Variants in USP32 observed in about 807,000 individuals in gnomAD.
USP32 encodes the protein ubiquitin carboxyl-terminal hydrolase 32.
USP32 carries 59 observed loss-of-function variants against 204.8 expected under a neutral mutation model. That is an observed-to-expected ratio of 0.29 (90% CI 0.23 to 0.36). The LOEUF (loss-of-function observed/expected upper bound fraction) is 0.36. USP32 is among the 10% of genes least tolerant of loss of function. The probability of loss-of-function intolerance (pLI) is 1.00; values close to 1 mark genes in which losing one functional copy is unlikely to be tolerated. For synonymous variants in USP32, 517 were observed against 678.4 expected (o/e 0.76, Z 3.70); for missense variants, 1,160 against 1,946.4 (o/e 0.60, Z 7.60).
At chr17:60,238,161 T>A (rs887375732) in intron 11 of USP32, among the ~76,000 whole-genome samples, 2 of 152,216 alleles carry the variant, frequency 1.3e-5, no homozygotes, top group African/African-American at 4.8e-5. Flanking sequence ...ACGTTGAGCA[T>A]CTTTTCATGT....
At chr17:60,360,167 C>G (rs1252748559) in intron 1 of USP32, among the ~76,000 whole-genome samples, 2 of 151,868 alleles carry the variant, frequency 1.3e-5, no homozygotes, top group African/African-American at 4.8e-5. Context: ...CGCGCCCGGC[C>G]CTGTAAGACA....
rs34842511 is a variant in USP32, at chr17:60,244,029, G to GTTTTTTTTTTTTTTTTTT, written c.1137-7807_1137-7790dup. On this transcript the variant is annotated intron_variant, in intron 11 of 33. Transcript: ENST00000300896. ...TTTGAATCTCAAGTAGCTGGATTGT[G>GTTTTTTTTTTTTTTTTTT]TTTTTTTTTTTTTTTTTTTTTTTTG... 2.9e-4 allele frequency among the ~76,000 whole-genome samples: 21 copies of GTTTTTTTTTTTTTTTTTT among 71,692 alleles called. 2 individuals are homozygous for GTTTTTTTTTTTTTTTTTT. The highest frequency in any genetic ancestry group is 1.4e-3 in the African/African-American group (20 of 14,180). The allele number at this position is 71,692 out of a possible 152,430, so 47.0% of individuals were successfully genotyped here. A position where few individuals can be genotyped will look rare whatever the true frequency, so the allele number is the denominator to read the frequency against.
intron 6 of USP32, among the ~76,000 whole-genome samples, chr17:60,270,028 G>A (rs998805401): frequency 6.6e-6 from 1 of 152,222 alleles, no homozygotes. Context: ...AGCAAAGGAA[G>A]ATACACTATG....
intron 15 of USP32, among the ~76,000 whole-genome samples, chr17:60,222,181 C>T (rs763409073): frequency 1.3e-5 from 2 of 152,194 alleles, no homozygotes; most frequent in Admixed American, 6.5e-5. Flanking sequence ...GTGATGTCTA[C>T]TTTTATGTGG....
chr17:60,273,916 C>A lies in USP32; in HGVS notation c.572-2435G>T, dbSNP rs577141877. ...TGGAGGCTGCAGTGAGCCGAGATTG[C>A]GCCACTGCACTCCAGCCTGGGGGCA... is the stretch of plus-strand genomic sequence containing the variant. On this transcript the variant is annotated intron_variant, in intron 5 of 33. Coordinates refer to ENST00000300896, the MANE Select transcript of USP32 (RefSeq NM_032582.4). Among the ~76,000 whole-genome samples, 3 of 79,036 alleles carry A rather than the reference C, an allele frequency of 3.8e-5. 1 individual carries two copies. The highest frequency in any genetic ancestry group is 5.6e-4 in the South Asian group (1 of 1,780). 51.9% of individuals were successfully genotyped at this position (79,036 alleles called of 152,430 possible).
chr17:60,213,767 T>G, intron 17 of USP32, 105 bp from the exon 18 acceptor site: 1 of 1,332,222 alleles, frequency 7.5e-7, no homozygotes, highest in Admixed American at 2.8e-5. Context: ...TTTGTAGTTA[T>G]ATAACATATC....
At chr17:60,201,251 T>C (rs189074804) in intron 26 of USP32, among the ~76,000 whole-genome samples, 8 of 152,342 alleles carry the variant, frequency 5.3e-5, no homozygotes, top group African/African-American at 1.9e-4. Context: ...TTTTCATTCC[T>C]GTATAATGTT....
intron 1 of USP32, among the ~76,000 whole-genome samples, chr17:60,404,082 A>C (rs1044507609): frequency 6.6e-6 from 1 of 151,964 alleles, no homozygotes. Flanking sequence ...AGAAAAAGAA[A>C]TATGCGCACA....
At chr17:60,414,298 G>A (rs1278652919) in intron 1 of USP32, among the ~76,000 whole-genome samples, 1 of 152,016 alleles carries the variant, frequency 6.6e-6, no homozygotes, top group Non-Finnish European at 1.5e-5. Context: ...GGGAGGCAGA[G>A]GTTGCAGTGA....
At chr17:60,341,699 T>C (rs777650109) in intron 2 of USP32, among the ~76,000 whole-genome samples, 4 of 152,224 alleles carry the variant, frequency 2.6e-5, no homozygotes, top group Non-Finnish European at 4.4e-5. Context: ...GAATCCGCTA[T>C]TGAAACTTGT....
intron 1 of USP32, among the ~76,000 whole-genome samples, chr17:60,390,830 A>G (rs1200667790): frequency 6.6e-6 from 1 of 152,102 alleles, no homozygotes; most frequent in East Asian, 1.9e-4. Flanking sequence ...TAATCTTCTT[A>G]ATGTTTTTTC....
At chr17:60,267,648 G>A (rs1278747516) in intron 7 of USP32, among the ~76,000 whole-genome samples, 1 of 151,756 alleles carries the variant, frequency 6.6e-6, no homozygotes. Context: ...AGCCTCCCGA[G>A]TAGCTGGGAC....
chr17:60,358,814 C>A (rs74605741), intron 1 of USP32, among the ~76,000 whole-genome samples: 2 of 152,160 alleles, frequency 1.3e-5, no homozygotes, highest in Non-Finnish European at 2.9e-5. Context: ...TGGGGCACCA[C>A]TGACAACTAA....
chr17:60,275,632 G>T (rs928471237), intron 5 of USP32, among the ~76,000 whole-genome samples: 5 of 152,000 alleles, frequency 3.3e-5, no homozygotes, highest in African/African-American at 1.2e-4. Flanking sequence ...TTCCTGTTAG[G>T]TCAGTTTAGC....
intron 2 of USP32, among the ~76,000 whole-genome samples, chr17:60,319,301 C>A (rs540323041): frequency 6.6e-6 from 1 of 151,992 alleles, no homozygotes; most frequent in South Asian, 2.1e-4. Context: ...AATACAGGGA[C>A]TCAGATTAAG....
In USP32 at chr17:60,178,381, A is replaced by T. The variant is rs1431325160; in HGVS notation, c.*874T>A. ...CAGAAGCTCTTGTTGCAACAGGTGC[A>T]TGTGAAGATGGTGCAAATATTGGCA... On this transcript the variant is annotated 3_prime_UTR_variant, in exon 34 of 34. Transcript: ENST00000300896. 7.9e-5 allele frequency among the ~76,000 whole-genome samples: 12 copies of T among 152,246 alleles called. No individual in the cohort carries two copies. The highest frequency in any genetic ancestry group is 1.5e-5 in the Non-Finnish European group (1 of 68,050).
At chr17:60,180,499 T>C (rs750705422) in intron 33 of USP32, 46 bp downstream of exon 33, 2 of 1,580,986 alleles carry the variant, frequency 1.3e-6, no homozygotes, top group Admixed American at 1.7e-5. Context: ...CCCAGTTCTG[T>C]TGATATTCTG....
intron 26 of USP32, among the ~76,000 whole-genome samples, chr17:60,204,287 A>G (rs538034217): frequency 6.6e-6 from 1 of 152,290 alleles, no homozygotes; most frequent in Admixed American, 6.5e-5. Context: ...AACACACAGG[A>G]AACATAAATT....
chr17:60,226,202 T>C lies in USP32; in HGVS notation c.1269A>G (p.Ser423=), dbSNP rs2085383494. The C allele has an allele frequency of 3.2e-6, 5 of 1,560,386 alleles. No homozygotes were observed. Among genetic ancestry groups the C allele is most frequent in the South Asian group, 1.2e-5 (1 of 80,230 alleles). ...YDANPVVIEP[S]SVLNGGKYSF... ...AGTATTTTCCTCCATTCAAAACAGA[T>C]GATGGCTCAATTACCACAGGGTTGG... Residue 423 remains serine, a synonymous_variant, in exon 13 of 34, where the codon TCA becomes TCG. Transcript: ENST00000300896.
Sources: allele counts gnomAD v4.1 joint callset (sites outside exome capture counted in the v4.1 genomes callset), GRCh38; gene constraint gnomAD v4.1.1; transcripts MANE v1.5; gene names NCBI Gene and HGNC (gene_info 2026-07-23, HGNC 2026-07-21).